The following RUNX1 variants were observed in gnomAD, a reference collection of about 807,000 sequenced individuals.
RUNX1 encodes runt-related transcription factor 1.
Under a neutral mutation model 42.8 loss-of-function variants are expected in RUNX1, and 19 were observed. The ratio of observed to expected loss-of-function variants is 0.44; its 90% CI spans 0.31 to 0.65. The LOEUF (loss-of-function observed/expected upper bound fraction) is 0.65, where lower values mean the gene tolerates loss of function less well. RUNX1 is among the 30% of genes least tolerant of loss of function. The pLI, the probability that RUNX1 is intolerant of heterozygous loss-of-function variation, is 0.07. For missense variants in RUNX1, 528 were observed against 672.0 expected (o/e 0.79, Z 2.37); for synonymous variants, 271 against 289.4 (o/e 0.94, Z 0.64).
intron 3 of RUNX1, among the ~76,000 whole-genome samples, chr21:34,890,727 C>T (rs546420981): frequency 6.9e-6 from 1 of 145,634 alleles, no homozygotes; most frequent in South Asian, 2.3e-4. Flanking sequence ...TTGTAAATCC[C>T]CCCCTCCCCC....
chr21:35,004,343 C>T (rs969650887), intron 2 of RUNX1, among the ~76,000 whole-genome samples: 1 of 152,210 alleles, frequency 6.6e-6, no homozygotes, highest in Non-Finnish European at 1.5e-5. Context: ...GAAGCTAGAA[C>T]CAAGACACCA....
chr21:34,854,079 G>A (rs1275196992), intron 6 of RUNX1, among the ~76,000 whole-genome samples: 1 of 152,188 alleles, frequency 6.6e-6, no homozygotes, highest in African/African-American at 2.4e-5. Flanking sequence ...CTCCCAAAGT[G>A]CTGGGATTAC....
At chr21:34,860,435 C>T (rs573847650) in intron 5 of RUNX1, among the ~76,000 whole-genome samples, 1 of 152,204 alleles carries the variant, frequency 6.6e-6, no homozygotes. Context: ...AATTTTCCTA[C>T]CTTAGAGAGT....
chr21:34,989,567 A>G (rs2058920586), intron 2 of RUNX1, among the ~76,000 whole-genome samples: 2 of 152,096 alleles, frequency 1.3e-5, no homozygotes, highest in African/African-American at 4.8e-5. Context: ...GTCCCTGATT[A>G]AAGCAGTTTC....
chr21:34,914,511 C>CG (rs1331822436), intron 2 of RUNX1, among the ~76,000 whole-genome samples: 3 of 152,104 alleles, frequency 2.0e-5, no homozygotes, highest in Non-Finnish European at 2.9e-5. Flanking sequence ...GGTCATTTCA[C>CG]GGGGGGCAGC....
intron 2 of RUNX1, among the ~76,000 whole-genome samples, chr21:34,943,523 C>A (rs547521060): frequency 3.6e-4 from 55 of 152,290 alleles, no homozygotes; most frequent in African/African-American, 1.3e-3. Context: ...GATCAAAATC[C>A]ATCTTACTTC....
intron 3 of RUNX1, among the ~76,000 whole-genome samples, chr21:34,891,441 G>T (rs754987386): frequency 2.1e-4 from 32 of 152,196 alleles, no homozygotes; most frequent in Non-Finnish European, 3.8e-4. Flanking sequence ...TCCTTACTGA[G>T]GATCTAAAAT....
rs747748983 is a variant in RUNX1 at position 34,834,472 on chromosome 21, T to G, written c.743A>C (p.Asn248Thr). ...GGAGTGGTTCAGGGAGGCACGAGGG[T>G]TGGGCGTGGGGGCTGGGTGGTGTGG... is the stretch of plus-strand genomic sequence containing the variant. ...VSPHHPAPTPNPRASLNHSTA... is the reference protein window; with the variant it reads ...VSPHHPAPTPTPRASLNHSTA... The change falls in exon 7 of 9, where the codon AAC (asparagine) becomes ACC (threonine). Residue 248 changes from asparagine (N) to threonine (T), a missense_variant. By Grantham distance (65) the Asn-to-Thr change is moderately conservative. Around this residue, in one of 3 missense-constraint regions of RUNX1, gnomAD observed 331 missense variants for 382.5 expected, o/e 0.87. Transcript: ENST00000675419. The G allele has an allele frequency of 4.3e-6, 7 of 1,612,072 alleles. No individual in the cohort carries two copies. The highest frequency in any genetic ancestry group is 1.7e-4 in the Middle Eastern group (1 of 6,054).
At chr21:34,940,814 T>C (rs529421236) in intron 2 of RUNX1, among the ~76,000 whole-genome samples, 10 of 152,330 alleles carry the variant, frequency 6.6e-5, no homozygotes, top group African/African-American at 2.4e-4. Context: ...AGCAGGCATC[T>C]CCTCCATTGA....
chr21:34,988,410 G>A (rs981517882), intron 2 of RUNX1, among the ~76,000 whole-genome samples: 8 of 152,168 alleles, frequency 5.3e-5, no homozygotes, highest in African/African-American at 1.2e-4. Context: ...GGACCAGGGC[G>A]GTGCAGATCC....
At chr21:34,834,639 G>T in intron 6 of RUNX1, 38 bp from the exon 7 acceptor site, 1 of 1,472,404 alleles carries the variant, frequency 6.8e-7, no homozygotes, top group South Asian at 1.1e-5. Context: ...GATGGGGGGA[G>T]GGAAGGAGGG....
At chr21:34,856,614 G>A (rs577977592) in intron 6 of RUNX1, among the ~76,000 whole-genome samples, 56 of 152,268 alleles carry the variant, frequency 3.7e-4, no homozygotes, top group African/African-American at 1.2e-3. Flanking sequence ...TAGGCAAACC[G>A]TTTCATTTTT....
At chr21:34,915,934 T>C (rs773318653) in intron 2 of RUNX1, among the ~76,000 whole-genome samples, 12 of 152,230 alleles carry the variant, frequency 7.9e-5, no homozygotes, top group Non-Finnish European at 1.3e-4. Flanking sequence ...ATATAGGTTG[T>C]CTTCTTAACT....
intron 5 of RUNX1, 81 bp from the exon 6 acceptor site, chr21:34,859,659 T>A: frequency 8.6e-7 from 1 of 1,159,038 alleles, no homozygotes; most frequent in South Asian, 1.2e-5. Flanking sequence ...CATTAATTTA[T>A]GCTGTCCAGC....
At chr21:34,961,390 T>TAATAAC (rs1270180846) in intron 2 of RUNX1, among the ~76,000 whole-genome samples, 2 of 151,702 alleles carry the variant, frequency 1.3e-5, no homozygotes, top group South Asian at 2.1e-4. Flanking sequence ...ATAATAATAA[T>TAATAAC]AATAACAATA....
chr21:34,814,910 G>A lies in RUNX1; in HGVS notation c.806-15448C>T, dbSNP rs550904566. Among the ~76,000 whole-genome samples, 6 of 152,100 alleles carry A rather than the reference G, an allele frequency of 3.9e-5. No homozygotes were observed. The South Asian group carries it at 1.2e-3, about 32-fold the overall frequency. ...AAAGCCTATTATAACATCTCCCTTT[G>A]TGTTCACTGACTGACTCTCTCTCTC... On this transcript the variant is annotated intron_variant, in intron 7 of 8. Coordinates refer to ENST00000675419, the MANE Select transcript of RUNX1 (RefSeq NM_001754.5).
Position 34,792,273 on chromosome 21 carries a change from G to A in RUNX1, c.1305C>T (p.Ala435=), listed in dbSNP as rs2145873635. Residue 435 remains alanine, a synonymous_variant, in exon 9 of 9, where the codon GCC becomes GCT. Transcript: ENST00000675419. The surrounding 1 kb of genome is among the most constrained non-coding windows in gnomAD (Gnocchi z 6.9). ...GGTTGAGCAGCGCGGAGCCGGTGGA[G>A]GCGTTGGTGCAGGGCGGCAGGATGC... The part of the protein sequence containing the change: ...PPRILPPCTN[A]STGSALLNPS... 2.6e-6 allele frequency: 4 copies of A among 1,540,694 alleles called. No individual in the cohort carries two copies. The highest frequency in any genetic ancestry group is 1.2e-5 in the South Asian group (1 of 84,132).
In RUNX1 at chr21:34,839,741, G is replaced by A. The variant is rs563299337; in HGVS notation, c.614-5140C>T. Among the ~76,000 whole-genome samples the A allele has an allele frequency of 3.3e-5, 5 of 152,280 alleles. No homozygotes were observed. The East Asian group carries it at 7.7e-4, about 24-fold the overall frequency. On this transcript the variant is annotated intron_variant, in intron 6 of 8. Transcript: ENST00000675419. ...TTGGAGTTCTAATAAGGTCCCAGGT[G>A]ATGCTGAGGCTGCCGATACAGGGAG...
At chr21:34,981,952 C>G (rs956165809) in intron 2 of RUNX1, among the ~76,000 whole-genome samples, 4 of 152,298 alleles carry the variant, frequency 2.6e-5, no homozygotes, top group Admixed American at 2.0e-4. Context: ...TGGCCAAAAG[C>G]CTGCAAGGGT....
Sources: allele counts gnomAD v4.1 joint callset (sites outside exome capture counted in the v4.1 genomes callset), GRCh38; gene constraint gnomAD v4.1.1; regional missense constraint gnomAD v4.1.1; non-coding constraint Gnocchi (gnomAD v3.1); transcripts MANE v1.5; gene names NCBI Gene and HGNC (gene_info 2026-07-23, HGNC 2026-07-21).